PHTF2: variants seen among roughly 807,000 people sequenced by gnomAD.
The protein encoded by PHTF2 is putative homeodomain transcription factor 2, also known as protein PHTF2.
In PHTF2, 60 loss-of-function variants were observed where a neutral mutation model predicts 101.2. That is an observed-to-expected ratio of 0.59 (90% confidence interval 0.48 to 0.73). The LOEUF is 0.73. PHTF2 is among the 30% of genes least tolerant of loss of function. The pLI is 0.00. For missense variants in PHTF2, 747 were observed against 908.7 expected (o/e 0.82, Z 2.29); for synonymous variants, 311 against 307.3 (o/e 1.01, Z -0.13).
chr7:77,902,749 T>G (rs563176660), intron 7 of PHTF2, among the ~76,000 whole-genome samples: 3 of 152,218 alleles, frequency 2.0e-5, no homozygotes, highest in African/African-American at 7.2e-5. Context: ...CAATCCTGAA[T>G]GATTATTTAA....
chr7:77,905,050 G>A (rs935196763), intron 7 of PHTF2, among the ~76,000 whole-genome samples: 1 of 152,018 alleles, frequency 6.6e-6, no homozygotes, highest in Admixed American at 6.6e-5. Context: ...TTTATGTGTG[G>A]CCCCAGACAT....
At chr7:77,823,423 G>T (rs141021992) in intron 1 of PHTF2, among the ~76,000 whole-genome samples, 3,355 of 151,996 alleles carry the variant, frequency 0.022, 50 homozygotes, top group Middle Eastern at 0.068. Flanking sequence ...GTTTCACCAT[G>T]TTGGCCAGGA....
At chr7:77,950,372 T>C (rs1486493589) in intron 17 of PHTF2, among the ~76,000 whole-genome samples, 1 of 152,058 alleles carries the variant, frequency 6.6e-6, no homozygotes, top group African/African-American at 2.4e-5. Context: ...GAAAGTATAC[T>C]TGAGCCCGCC....
At chr7:77,896,628 A>G (rs990678587) in intron 5 of PHTF2, among the ~76,000 whole-genome samples, 2 of 152,214 alleles carry the variant, frequency 1.3e-5, no homozygotes, top group African/African-American at 4.8e-5. Flanking sequence ...AAAAGGATCA[A>G]TTTGTTAACA....
chr7:77,886,133 T>A (rs1313641298), intron 3 of PHTF2, among the ~76,000 whole-genome samples: 3 of 152,226 alleles, frequency 2.0e-5, no homozygotes, highest in Admixed American at 1.3e-4. Flanking sequence ...ATTAAACTAT[T>A]GATAACTACC....
chr7:77,841,942 AC>A (rs1423518452), intron 2 of PHTF2, among the ~76,000 whole-genome samples: 1 of 152,140 alleles, frequency 6.6e-6, no homozygotes, highest in African/African-American at 2.4e-5. Flanking sequence ...TTGGCTTTTT[AC>A]ATTAAACACT....
intron 3 of PHTF2, among the ~76,000 whole-genome samples, chr7:77,883,259 G>T (rs1394938986): frequency 6.6e-6 from 1 of 152,058 alleles, no homozygotes; most frequent in East Asian, 1.9e-4. Context: ...ACTATTTCTG[G>T]ATGAGATTTG....
In PHTF2 at chr7:77,853,657, G is replaced by T. The variant is rs1384007874; in HGVS notation, c.46-1076G>T. Among the ~76,000 whole-genome samples the T allele has an allele frequency of 2.0e-5, 3 of 152,062 alleles. No homozygotes were observed. In the East Asian group the frequency reaches 5.8e-4, roughly 29 times the overall value. ...AATTCGCCTACCTCGGCCTCCCAAAGTGTTGGGATTACAGGTATGAGCCAC... is the reference window on the plus strand; with the variant it reads ...AATTCGCCTACCTCGGCCTCCCAAATTGTTGGGATTACAGGTATGAGCCAC... On this transcript the variant is annotated intron_variant, in intron 2 of 19. Transcript: ENST00000416283.
rs747882978 is a variant in PHTF2, at chr7:77,890,599, C to CTTTT, written c.148-2988_148-2985dup. 2.0e-3 allele frequency among the ~76,000 whole-genome samples: 169 copies of CTTTT among 84,228 alleles called. 5 individuals are homozygous for CTTTT. The highest frequency in any genetic ancestry group is 3.9e-3 in the African/African-American group (79 of 20,488). 55.3% of individuals were successfully genotyped at this position (84,228 alleles called of 152,430 possible). A position where few individuals can be genotyped will look rare whatever the true frequency, so the allele number is the denominator to read the frequency against. ...TATGTGGTGCATTGAAATAGTTACACTTTTTTTTTTTTTTTTTTTTTTTTG... is the reference window on the plus strand; with the variant it reads ...TATGTGGTGCATTGAAATAGTTACACTTTTTTTTTTTTTTTTTTTTTTTTTTTTG... On this transcript the variant is annotated intron_variant, in intron 3 of 19. Transcript: ENST00000416283.
At chr7:77,922,647 G>A in exon 11 of PHTF2, 1 of 1,610,776 alleles carries the variant, frequency 6.2e-7, no homozygotes, top group Non-Finnish European at 8.5e-7. Context: ...AATAACAAAT[G>A]TCTCTGATGA....
At position 77,910,515 on chromosome 7, in the gene PHTF2, C is replaced by T. The variant is rs956575455; in HGVS notation, c.776+106C>T. The T allele has an allele frequency of 4.5e-5, 34 of 750,204 alleles. No homozygotes were observed. The East Asian group carries it at 9.1e-4, about 20-fold the overall frequency. The allele number at this position is 750,204 out of a possible 1,614,324, so 46.5% of individuals were successfully genotyped here. ...TTAATTACTTTAAATGTGACAGCCTCATTATGGATTTTGTTTTGATAAATT... is the reference window on the plus strand; with the variant it reads ...TTAATTACTTTAAATGTGACAGCCTTATTATGGATTTTGTTTTGATAAATT... On this transcript the variant is annotated intron_variant, in intron 9 of 19. Transcript: ENST00000416283.
At chr7:77,874,640 T>C (rs1251819109) in intron 3 of PHTF2, among the ~76,000 whole-genome samples, 1 of 152,220 alleles carries the variant, frequency 6.6e-6, no homozygotes. Context: ...TGGCAGCTGA[T>C]TAGATTGTGC....
chr7:77,840,346 CA>C, intron 2 of PHTF2, 46 bp downstream of exon 2: 1 of 1,164,720 alleles, frequency 8.6e-7, no homozygotes, highest in Non-Finnish European at 1.3e-6. Context: ...GTTTGAATTT[CA>C]AAAATACATG....
intron 16 of PHTF2, among the ~76,000 whole-genome samples, chr7:77,945,693 A>G (rs533646468): frequency 6.6e-6 from 1 of 152,300 alleles, no homozygotes; most frequent in Non-Finnish European, 1.5e-5. Context: ...AGATACTAGT[A>G]TGAAGTGCTT....
At chr7:77,886,943 G>A (rs957891821) in intron 3 of PHTF2, among the ~76,000 whole-genome samples, 10 of 151,916 alleles carry the variant, frequency 6.6e-5, no homozygotes, top group Admixed American at 2.0e-4. Flanking sequence ...GTGCTCAGGA[G>A]GCTGAGGTGG....
intron 10 of PHTF2, 61 bp from the exon 10 acceptor site, chr7:77,922,562 T>A: frequency 7.1e-7 from 1 of 1,412,060 alleles, no homozygotes; most frequent in African/African-American, 1.4e-5. Flanking sequence ...ATTTCATAGT[T>A]TAAAAGCTAA....
At chr7:77,907,567 C>T (rs1409301318) in intron 7 of PHTF2, among the ~76,000 whole-genome samples, 1 of 152,114 alleles carries the variant, frequency 6.6e-6, no homozygotes, top group Non-Finnish European at 1.5e-5. Context: ...TTGTCCAACC[C>T]AAGTTTACTC....
At chr7:77,813,944 G>C (rs561888217) in intron 1 of PHTF2, among the ~76,000 whole-genome samples, 1 of 152,222 alleles carries the variant, frequency 6.6e-6, no homozygotes, top group East Asian at 1.9e-4. Flanking sequence ...ACATAAAATC[G>C]TAAGATTTGG....
At chr7:77,860,697 A>G (rs1584512008) in intron 3 of PHTF2, among the ~76,000 whole-genome samples, 1 of 152,258 alleles carries the variant, frequency 6.6e-6, no homozygotes, top group East Asian at 1.9e-4. Flanking sequence ...CAAATGTTAA[A>G]TTAAAGGTTT....
Sources: gnomAD v4.1 joint callset for allele counts (sites outside exome capture counted in the v4.1 genomes callset) on GRCh38, gnomAD v4.1.1 for gene constraint, MANE v1.5 for transcripts, NCBI Gene and HGNC (gene_info 2026-07-23, HGNC 2026-07-21) for gene names.